The following FRRS1 variants were observed in gnomAD, a reference collection of about 807,000 sequenced individuals.
The protein encoded by FRRS1 is ferric chelate reductase 1.
Under a neutral mutation model 70.7 loss-of-function variants are expected in FRRS1, and 51 were observed. The observed-to-expected ratio is 0.72, with a 90% CI of 0.58 to 0.91. The LOEUF (loss-of-function observed/expected upper bound fraction) is 0.91, where lower values mean the gene tolerates loss of function less well. Ranked by LOEUF, FRRS1 falls within the 40% of genes least tolerant of loss-of-function variation. FRRS1 has a pLI of 0.00. For synonymous variants in FRRS1, 225 were observed against 238.7 expected (o/e 0.94, Z 0.53); for missense variants, 672 against 726.0 (o/e 0.93, Z 0.86).
chr1:99,714,345 G>C (rs1654417405), intron 12 of FRRS1, among the ~76,000 whole-genome samples: 1 of 151,980 alleles, frequency 6.6e-6, no homozygotes, highest in Non-Finnish European at 1.5e-5. Context: ...CACCACGCCT[G>C]GCTAATTTTA....
chr1:99,728,495 T>C lies in FRRS1; in HGVS notation c.1004A>G (p.Asp335Gly), dbSNP rs1258306177. Reference protein sequence around the residue: ...YIFLADGAANDGRIYKHSQQP... With the variant: ...YIFLADGAANGGRIYKHSQQP... ...AGACAGCTTAACAATATACTTACCA[T>C]CATTAGCTGCACCATCTGCTAGAAA... Residue 335 changes from aspartate (D) to glycine (G), a missense_variant and splice_region_variant, in exon 9 of 17, where the codon GAT becomes GGT. Transcript: ENST00000646001. 2 of 1,608,914 alleles carry C rather than the reference T, an allele frequency of 1.2e-6. No individual in the cohort carries two copies. The highest frequency in any genetic ancestry group is 8.5e-7 in the Non-Finnish European group (1 of 1,176,054).
chr1:99,735,723 T>G (rs890781093), intron 7 of FRRS1, among the ~76,000 whole-genome samples: 1 of 152,206 alleles, frequency 6.6e-6, no homozygotes, highest in Non-Finnish European at 1.5e-5. Flanking sequence ...GATTTCTAAG[T>G]AAGATAAATA....
Position 99,755,264 on chromosome 1 carries a change from A to T in FRRS1, c.-105-6263T>A, listed in dbSNP as rs981837358. 3.1e-4 allele frequency among the ~76,000 whole-genome samples: 14 copies of T among 44,636 alleles called. No individual in the cohort carries two copies. In the East Asian group the frequency reaches 7.2e-3, roughly 23 times the overall value. The allele number at this position is 44,636 out of a possible 152,430, so 29.3% of individuals were successfully genotyped here. On this transcript the variant is annotated intron_variant, in intron 1 of 16. Coordinates refer to ENST00000646001, the MANE Select transcript of FRRS1 (RefSeq NM_001361041.2). The stretch of plus-strand genomic sequence containing the variant: ...TGAGACCCTGTCTCTCCAAAAATTT[A>T]AAAAAAAAAAAATTAGCCAGGCACA...
At chr1:99,728,210 T>A (rs1467091313) in intron 9 of FRRS1, among the ~76,000 whole-genome samples, 1 of 152,240 alleles carries the variant, frequency 6.6e-6, no homozygotes, top group Non-Finnish European at 1.5e-5. Flanking sequence ...AATACGTGGC[T>A]TCTTATTAGG....
At chr1:99,731,293 C>G (rs1435715520) in intron 7 of FRRS1, among the ~76,000 whole-genome samples, 1 of 152,134 alleles carries the variant, frequency 6.6e-6, no homozygotes, top group Non-Finnish European at 1.5e-5. Flanking sequence ...AAACAAGGTC[C>G]AAGACTACCC....
At position 99,738,368 on chromosome 1, in the gene FRRS1, A is replaced by G. The variant is rs1312154547; in HGVS notation, c.577-100T>C. ...TACCTTCAAGTACGGGTAGCTCCCA[A>G]ATTAATGAGAATACCTTTCCATAAT... On this transcript the variant is annotated intron_variant, in intron 6 of 16. Transcript: ENST00000646001. 1.4e-5 allele frequency: 10 copies of G among 702,336 alleles called. 1 individual carries two copies. The highest frequency in any genetic ancestry group is 2.1e-5 in the Non-Finnish European group (9 of 425,208). 43.5% of individuals were successfully genotyped at this position (702,336 alleles called of 1,614,324 possible).
intron 8 of FRRS1, among the ~76,000 whole-genome samples, chr1:99,729,338 G>A (rs61782963): frequency 0.22 from 33,591 of 152,030 alleles, 3,673 homozygotes; most frequent in South Asian, 0.26. Context: ...TTAGAAACCC[G>A]TCTGTAAGCT....
chr1:99,742,405 G>T (rs1021986274), intron 4 of FRRS1, 132 bp from the exon 5 acceptor site: 4 of 604,438 alleles, frequency 6.6e-6, no homozygotes, highest in African/African-American at 3.7e-5. Flanking sequence ...TTATTTAGAA[G>T]AAGGACTCAG....
intron 6 of FRRS1, among the ~76,000 whole-genome samples, chr1:99,738,913 T>C (rs897372040): frequency 2.6e-4 from 39 of 152,124 alleles, no homozygotes; most frequent in Admixed American, 3.3e-4. Flanking sequence ...ATAAGGAATA[T>C]AAGACGAAGA....
chr1:99,724,496 T>C (rs761654921), intron 9 of FRRS1, among the ~76,000 whole-genome samples: 2 of 152,220 alleles, frequency 1.3e-5, no homozygotes, highest in Non-Finnish European at 2.9e-5. Context: ...AATGGATAGA[T>C]TGTTAGGAGA....
At chr1:99,717,344 A>G (rs1389438512) in intron 11 of FRRS1, 66 bp downstream of exon 11, 2 of 1,020,706 alleles carry the variant, frequency 2.0e-6, no homozygotes, top group South Asian at 1.3e-5. Context: ...CACATACTTC[A>G]TATGTTTTCA....
At position 99,710,955 on chromosome 1, in the gene FRRS1, T is replaced by C. The variant is rs770413716; in HGVS notation, c.1481-6A>G. 1 of 1,609,912 alleles carries C rather than the reference T, an allele frequency of 6.2e-7. No homozygotes were observed. The highest frequency in any genetic ancestry group is 2.2e-5 in the East Asian group (1 of 44,766). On this transcript the variant is annotated splice_polypyrimidine_tract_variant and splice_region_variant and intron_variant, in intron 14 of 16. Transcript: ENST00000646001. ...TCCCAGGAACATCGCTGCCACTACA[T>C]ACAAAAGAAAAAAGTTACATTCAAA...
chr1:99,735,189 G>A (rs993013422), intron 7 of FRRS1, among the ~76,000 whole-genome samples: 1 of 152,134 alleles, frequency 6.6e-6, no homozygotes. Context: ...ATTATTCAAG[G>A]AACTGCTGTA....
Position 99,717,469 on chromosome 1 carries a change from G to C in FRRS1, c.1177C>G (p.Arg393Gly). ...TTTGACCAAACTGGCTTGAAGAACC[G>C]GGCAACCAGTACACCTATGCTAACA... ...TTVSIGVLVA[R>G]FFKPVWSKAF... The change falls in exon 11 of 17, where the codon CGG (arginine) becomes GGG (glycine). Residue 393 changes from arginine to glycine, a missense_variant. Arg to Gly is a moderately radical substitution (Grantham distance 125, BLOSUM62 -2). Coordinates refer to ENST00000646001, the MANE Select transcript of FRRS1 (RefSeq NM_001361041.2). 1 of 1,614,022 alleles carries C rather than the reference G, an allele frequency of 6.2e-7. No individual in the cohort carries two copies. The highest frequency in any genetic ancestry group is 8.5e-7 in the Non-Finnish European group (1 of 1,179,944).
At chr1:99,757,361 T>A (rs964281003) in intron 1 of FRRS1, among the ~76,000 whole-genome samples, 1 of 152,170 alleles carries the variant, frequency 6.6e-6, no homozygotes, top group African/African-American at 2.4e-5. Context: ...TGAATCAAAT[T>A]CTAAATTAAG....
chr1:99,715,479 G>A, intron 12 of FRRS1, 107 bp downstream of exon 12: 1 of 686,208 alleles, frequency 1.5e-6, no homozygotes, highest in Non-Finnish European at 2.6e-6. Flanking sequence ...GAAAGAAAGA[G>A]GGATCAATGC....
chr1:99,745,236 C>A (rs1656191902), intron 4 of FRRS1, among the ~76,000 whole-genome samples: 1 of 152,096 alleles, frequency 6.6e-6, no homozygotes, highest in Non-Finnish European at 1.5e-5. Flanking sequence ...TGCTAATCCC[C>A]GAGCCTTGAA....
At chr1:99,723,351 A>C (rs1654928122) in intron 9 of FRRS1, among the ~76,000 whole-genome samples, 2 of 152,104 alleles carry the variant, frequency 1.3e-5, no homozygotes, top group South Asian at 4.2e-4. Context: ...CCCCATTTCT[A>C]CAAAAAATAC....
intron 13 of FRRS1, 56 bp downstream of exon 13, chr1:99,712,362 T>G (rs1654308799): frequency 1.6e-6 from 2 of 1,234,746 alleles, no homozygotes; most frequent in African/African-American, 3.0e-5. Context: ...CAGATTAGTT[T>G]GCCAACTAAT....
Sources: gnomAD v4.1 joint callset for allele counts (sites outside exome capture counted in the v4.1 genomes callset) on GRCh38, gnomAD v4.1.1 for gene constraint, MANE v1.5 for transcripts, NCBI Gene and HGNC (gene_info 2026-07-23, HGNC 2026-07-21) for gene names.